Variants in GATB observed in about 807,000 individuals in gnomAD.
GATB encodes glutamyl-tRNA amidotransferase subunit B, also known as glutamyl-tRNA(Gln) amidotransferase subunit B, mitochondrial.
GATB carries 39 observed loss-of-function variants against 62.3 expected under a neutral mutation model. That is an observed-to-expected ratio of 0.63 (90% CI 0.48 to 0.82). The LOEUF (loss-of-function observed/expected upper bound fraction) is 0.82, where lower values mean the gene tolerates loss of function less well. Among genes scored for constraint, GATB ranks in the 40% least tolerant of loss-of-function variants. GATB has a pLI of 0.00. For missense variants in GATB, 670 were observed against 684.0 expected, an observed-to-expected ratio of 0.98 and a Z score of 0.23; for synonymous variants, 276 against 258.9, an observed-to-expected ratio of 1.07 and a Z score of -0.63.
Position 151,760,831 on chromosome 4 carries a change from T to G in GATB, c.152A>C (p.His51Pro). Reference protein sequence around the residue: ...GESSVAQQPLHTAQKTRKGEH... With the variant: ...GESSVAQQPLPTAQKTRKGEH... ...CCCTTTCCTCGTCTTCTGGGCCGTG[T>G]GGAGGGGCTGCTGAGCCACTGAGCT... Residue 51 changes from histidine (H) to proline (P), a missense_variant, in exon 1 of 13, where the codon CAC (histidine) becomes CCC (proline). Coordinates refer to ENST00000263985, the MANE Select transcript of GATB (RefSeq NM_004564.3). The G allele has an allele frequency of 1.9e-6, 3 of 1,611,106 alleles. No homozygotes were observed. Among genetic ancestry groups the G allele is most frequent in the Non-Finnish European group, 2.5e-6 (3 of 1,178,536 alleles).
rs765001662 is a variant in GATB, at chr4:151,760,790, T to C, written c.176+17A>G. 1 of 1,562,210 alleles carries C rather than the reference T, an allele frequency of 6.4e-7. No homozygotes were observed. Among genetic ancestry groups the C allele is most frequent in the South Asian group, 1.2e-5 (1 of 83,942 alleles). On this transcript the variant is annotated intron_variant, in intron 1 of 12. Coordinates refer to ENST00000263985, the MANE Select transcript of GATB (RefSeq NM_004564.3). ...CACCTCACAGTTAGGTGGGCAGAAA[T>C]GTATGAAACAGAATACCCTTTCCTC...
At chr4:151,727,534 T>C (rs1739160121) in intron 2 of GATB, among the ~76,000 whole-genome samples, 1 of 152,082 alleles carries the variant, frequency 6.6e-6, no homozygotes, top group Admixed American at 6.6e-5. Flanking sequence ...CTGGTCTCTA[T>C]TCCTTGTTCC....
chr4:151,760,424 T>C (rs1467300576), intron 1 of GATB, among the ~76,000 whole-genome samples: 1 of 152,188 alleles, frequency 6.6e-6, no homozygotes, highest in Non-Finnish European at 1.5e-5. Flanking sequence ...TTTCTACCTT[T>C]AGAACGCTGC....
intron 2 of GATB, among the ~76,000 whole-genome samples, chr4:151,727,491 C>A (rs948003443): frequency 6.6e-6 from 1 of 152,192 alleles, no homozygotes; most frequent in Non-Finnish European, 1.5e-5. Flanking sequence ...TGGTTGGTGG[C>A]CAGTAAAAGA....
intron 1 of GATB, among the ~76,000 whole-genome samples, chr4:151,760,394 G>A (rs894847809): frequency 1.3e-5 from 2 of 152,126 alleles, no homozygotes; most frequent in Non-Finnish European, 2.9e-5. Context: ...ACTACCAAGA[G>A]CTTGTAGGTA....
chr4:151,698,986 G>A (rs937728703), intron 9 of GATB, among the ~76,000 whole-genome samples: 16 of 150,792 alleles, frequency 1.1e-4, no homozygotes, highest in African/African-American at 3.4e-4. Flanking sequence ...TTGTAGTGGG[G>A]TGTGTGTGTG....
At chr4:151,716,321 T>C (rs1032810646) in intron 4 of GATB, 190 bp from the exon 5 acceptor site, 17 of 584,798 alleles carry the variant, frequency 2.9e-5, no homozygotes, top group Non-Finnish European at 4.2e-5. Context: ...CTTGCTCTGC[T>C]GCCCAGGCTG....
chr4:151,688,349 C>A (rs1407222285), intron 10 of GATB, among the ~76,000 whole-genome samples: 1 of 152,226 alleles, frequency 6.6e-6, no homozygotes, highest in South Asian at 2.1e-4. Context: ...AGATCTGTAT[C>A]CTCCACAAGT....
chr4:151,684,894 C>G (rs1738213438), intron 10 of GATB, among the ~76,000 whole-genome samples: 1 of 152,148 alleles, frequency 6.6e-6, no homozygotes, highest in East Asian at 1.9e-4. Context: ...TCTCTCAGCT[C>G]CTTTAGAGGC....
intron 9 of GATB, among the ~76,000 whole-genome samples, chr4:151,690,060 C>G (rs1578902502): frequency 6.6e-6 from 1 of 152,218 alleles, no homozygotes; most frequent in Admixed American, 6.5e-5. Context: ...TAAGTTCACA[C>G]TGCACCTAAG....
Position 151,730,964 on chromosome 4 carries a change from C to A in GATB, c.328-11426G>T, listed in dbSNP as rs561293283. ...CCTGAAAAAGAATTCAGGAGGTCAG[C>A]TATTAAGCTAATCAGGGAGGGACCA... is the stretch of plus-strand genomic sequence containing the variant. On this transcript the variant is annotated intron_variant, in intron 2 of 12. Coordinates refer to ENST00000263985, the MANE Select transcript of GATB (RefSeq NM_004564.3). The surrounding 1 kb of genome is among the most constrained non-coding windows in gnomAD (Gnocchi z 4.1). Among the ~76,000 whole-genome samples, 6 of 152,352 alleles carry A rather than the reference C, an allele frequency of 3.9e-5. No homozygotes were observed. The East Asian group carries it at 1.2e-3, about 29-fold the overall frequency.
chr4:151,706,958 C>A (rs1403353035), intron 6 of GATB, among the ~76,000 whole-genome samples: 2 of 152,182 alleles, frequency 1.3e-5, no homozygotes, highest in East Asian at 1.9e-4. Context: ...TTACCTATAT[C>A]TACGGGACTG....
chr4:151,736,869 T>C (rs549365104), intron 2 of GATB, among the ~76,000 whole-genome samples: 26 of 152,340 alleles, frequency 1.7e-4, no homozygotes, highest in African/African-American at 6.0e-4. Flanking sequence ...TCCTCTCTTG[T>C]CTGCTGCCAT....
chr4:151,686,839 G>C (rs1164699723), intron 10 of GATB: 1 of 152,330 alleles, frequency 6.6e-6, no homozygotes, highest in Admixed American at 6.5e-5. Context: ...TACAGATGCT[G>C]CTGAGTCCAT....
chr4:151,746,200 G>A (rs923340557), intron 2 of GATB, among the ~76,000 whole-genome samples: 1 of 152,206 alleles, frequency 6.6e-6, no homozygotes, highest in Non-Finnish European at 1.5e-5. Context: ...GTGAGTGTGT[G>A]TGTATGTGTA....
At chr4:151,740,239 G>T (rs569196206) in intron 2 of GATB, among the ~76,000 whole-genome samples, 1 of 152,126 alleles carries the variant, frequency 6.6e-6, no homozygotes, top group Non-Finnish European at 1.5e-5. Flanking sequence ...TAGTACAGTC[G>T]TGCATCACTT....
chr4:151,713,318 G>A (rs1035839487), intron 5 of GATB, among the ~76,000 whole-genome samples: 6 of 152,096 alleles, frequency 3.9e-5, no homozygotes, highest in African/African-American at 7.2e-5. Context: ...AAACCACCCC[G>A]CCTTCGGCCC....
intron 8 of GATB, chr4:151,703,583 C>A: frequency 2.0e-6 from 1 of 509,674 alleles, no homozygotes. Flanking sequence ...TCAACTATGA[C>A]AACTTTGACA....
At chr4:151,727,829 G>T (rs1739166729) in intron 2 of GATB, among the ~76,000 whole-genome samples, 1 of 152,180 alleles carries the variant, frequency 6.6e-6, no homozygotes, top group Non-Finnish European at 1.5e-5. Flanking sequence ...ATTAGTTTCA[G>T]AATGAAAATG....
Sources: gnomAD v4.1 joint callset for allele counts (sites outside exome capture counted in the v4.1 genomes callset) on GRCh38, gnomAD v4.1.1 for gene constraint, Gnocchi (gnomAD v3.1) non-coding constraint, MANE v1.5 for transcripts, NCBI Gene and HGNC (gene_info 2026-07-23, HGNC 2026-07-21) for gene names.